MSRA: variants seen among roughly 807,000 people sequenced by gnomAD.
The protein encoded by MSRA is mitochondrial peptide methionine sulfoxide reductase.
Under a neutral mutation model 31.3 loss-of-function variants are expected in MSRA, and 54 were observed. The observed-to-expected ratio is 1.73, with a 90% CI of 1.39 to 2.17. The LOEUF is 2.17. MSRA is among the 30% of genes most tolerant of loss of function. MSRA has a pLI of 0.00. For synonymous variants in MSRA, 169 were observed against 116.5 expected, an observed-to-expected ratio of 1.45 and a Z score of -2.90; for missense variants, 507 against 300.9, an observed-to-expected ratio of 1.69 and a Z score of -5.07.
intron 5 of MSRA, among the ~76,000 whole-genome samples, chr8:10,322,507 G>A (rs1802101948): frequency 6.6e-6 from 1 of 152,180 alleles, no homozygotes; most frequent in Non-Finnish European, 1.5e-5. Flanking sequence ...AGTGTACAGA[G>A]AAGCAGAGGC....
At chr8:10,238,710 T>C (rs1056706276) in intron 2 of MSRA, among the ~76,000 whole-genome samples, 4 of 152,172 alleles carry the variant, frequency 2.6e-5, no homozygotes, top group African/African-American at 7.2e-5. Context: ...GTTATGAATA[T>C]GGAAAAAAGT....
intron 1 of MSRA, among the ~76,000 whole-genome samples, chr8:10,184,971 G>T (rs555227293): frequency 6.6e-6 from 1 of 152,334 alleles, no homozygotes; most frequent in East Asian, 1.9e-4. Flanking sequence ...AGAATAAACA[G>T]TTTGCATATG....
intron 1 of MSRA, among the ~76,000 whole-genome samples, chr8:10,149,203 C>T (rs1396283430): frequency 6.6e-6 from 1 of 151,744 alleles, no homozygotes; most frequent in Non-Finnish European, 1.5e-5. Flanking sequence ...CTCACTGCAA[C>T]TTCCGCCTCC....
intron 3 of MSRA, among the ~76,000 whole-genome samples, chr8:10,256,703 AAG>A (rs1407626417): frequency 6.6e-6 from 1 of 152,204 alleles, no homozygotes; most frequent in Non-Finnish European, 1.5e-5. Context: ...TCCAGAGTGT[AAG>A]AGTTCAGATT....
At chr8:10,118,502 G>A (rs549006873) in intron 1 of MSRA, among the ~76,000 whole-genome samples, 228 of 152,102 alleles carry the variant, frequency 1.5e-3, no homozygotes, top group African/African-American at 5.3e-3. Context: ...AGACTGTCAG[G>A]GGCTCTCTAT....
chr8:10,412,897 G>A (rs1007114675), intron 5 of MSRA, among the ~76,000 whole-genome samples: 3 of 152,192 alleles, frequency 2.0e-5, no homozygotes, highest in African/African-American at 7.2e-5. Flanking sequence ...AAAGTGGCAT[G>A]ATCAGTTTGG....
intron 2 of MSRA, among the ~76,000 whole-genome samples, chr8:10,216,385 G>C (rs1470271129): frequency 1.3e-5 from 2 of 152,180 alleles, no homozygotes; most frequent in South Asian, 2.1e-4. Context: ...TTGGTTGCAT[G>C]ATGGACTTCA....
Position 10,147,670 on chromosome 8 carries a change from A to G in MSRA, c.143-60163A>G, listed in dbSNP as rs924878014. 3.3e-5 allele frequency among the ~76,000 whole-genome samples: 5 copies of G among 152,260 alleles called. No homozygotes were observed. The East Asian group carries it at 9.7e-4, about 30-fold the overall frequency. On this transcript the variant is annotated intron_variant, in intron 1 of 5. Coordinates refer to ENST00000317173, the MANE Select transcript of MSRA (RefSeq NM_012331.5). Reference sequence around the variant, plus strand: ...CTTGATGCCTGGCACTGCTCTTGGCATGGCCATCTGCATGGAAAGGCTGTA... The same window carrying G: ...CTTGATGCCTGGCACTGCTCTTGGCGTGGCCATCTGCATGGAAAGGCTGTA...
intron 4 of MSRA, among the ~76,000 whole-genome samples, chr8:10,318,793 A>G (rs1205707461): frequency 2.6e-5 from 4 of 152,032 alleles, no homozygotes; most frequent in African/African-American, 9.7e-5. Context: ...CATCTTTGTC[A>G]TCTGGGCTTC....
chr8:10,059,488 C>G (rs1283754612), intron 1 of MSRA, among the ~76,000 whole-genome samples: 3 of 152,126 alleles, frequency 2.0e-5, no homozygotes, highest in Non-Finnish European at 4.4e-5. Flanking sequence ...CTCCTATACT[C>G]TTTTTCCATT....
chr8:10,238,748 A>C (rs1585244108), intron 2 of MSRA, among the ~76,000 whole-genome samples: 1 of 152,204 alleles, frequency 6.6e-6, no homozygotes, highest in South Asian at 2.1e-4. Flanking sequence ...CACCCCCTAC[A>C]TAAAAATTAT....
intron 5 of MSRA, among the ~76,000 whole-genome samples, chr8:10,374,727 T>C (rs567961404): frequency 4.6e-5 from 7 of 152,112 alleles, no homozygotes; most frequent in African/African-American, 1.7e-4. Flanking sequence ...TGAAAAAACT[T>C]TGGGATTGAC....
intron 4 of MSRA, among the ~76,000 whole-genome samples, chr8:10,318,861 GATGCTT>G (rs1801877009): frequency 6.6e-6 from 1 of 152,180 alleles, no homozygotes; most frequent in Non-Finnish European, 1.5e-5. Flanking sequence ...CTTTGACACA[GATGCTT>G]CCTGGGTTAC....
intron 3 of MSRA, among the ~76,000 whole-genome samples, chr8:10,289,761 A>T (rs781749619): frequency 2.8e-4 from 43 of 152,302 alleles, no homozygotes; most frequent in Middle Eastern, 3.4e-3. Flanking sequence ...ACTTTTAGGA[A>T]AACGTACGCT....
rs1056412487 is a variant in MSRA at position 10,081,621 on chromosome 8, G to A, written c.142+26963G>A. 4.6e-5 allele frequency among the ~76,000 whole-genome samples: 7 copies of A among 152,228 alleles called. No individual in the cohort carries two copies. In the South Asian group the frequency reaches 8.3e-4, roughly 18 times the overall value. On this transcript the variant is annotated intron_variant, in intron 1 of 5. Transcript: ENST00000317173. The stretch of plus-strand genomic sequence containing the variant: ...TCTCCTGTCTTGGTCTCCCGAGTAG[G>A]TGGACTTATAGGCGCCCACAACGAC...
chr8:10,357,656 C>T (rs1452870884), intron 5 of MSRA, among the ~76,000 whole-genome samples: 1 of 152,204 alleles, frequency 6.6e-6, no homozygotes, highest in Non-Finnish European at 1.5e-5. Context: ...CACCATTTCT[C>T]CAAGAAATCT....
chr8:10,421,712 C>T (rs921112660), intron 5 of MSRA, among the ~76,000 whole-genome samples: 7 of 152,124 alleles, frequency 4.6e-5, no homozygotes, highest in Non-Finnish European at 7.3e-5. Flanking sequence ...AGGAGTGACC[C>T]GGCTGCTTTT....
chr8:10,155,143 C>A (rs922275957), intron 1 of MSRA, among the ~76,000 whole-genome samples: 1 of 151,998 alleles, frequency 6.6e-6, no homozygotes, highest in African/African-American at 2.4e-5. Flanking sequence ...CACATATAGT[C>A]TAATGACGAC....
Position 10,219,285 on chromosome 8 carries a change from C to T in MSRA, c.211+11384C>T, listed in dbSNP as rs562274278. Among the ~76,000 whole-genome samples the T allele has an allele frequency of 2.6e-5, 4 of 152,322 alleles. No individual in the cohort carries two copies. The South Asian group carries it at 8.3e-4, about 32-fold the overall frequency. Reference sequence around the variant, plus strand: ...ATGAGTTTGAGGGTAGCAGAAGACACTCCCCAGAGTGGATTTTCCATACTT... The same window carrying T: ...ATGAGTTTGAGGGTAGCAGAAGACATTCCCCAGAGTGGATTTTCCATACTT... On this transcript the variant is annotated intron_variant, in intron 2 of 5. Coordinates refer to ENST00000317173, the MANE Select transcript of MSRA (RefSeq NM_012331.5).
Sources: allele counts gnomAD v4.1 joint callset (sites outside exome capture counted in the v4.1 genomes callset), GRCh38; gene constraint gnomAD v4.1.1; transcripts MANE v1.5; gene names NCBI Gene and HGNC (gene_info 2026-07-23, HGNC 2026-07-21).